The following ERCC8 variants were observed in gnomAD, a reference collection of about 807,000 sequenced individuals.
ERCC8 encodes DNA excision repair protein ERCC-8.
Under a neutral mutation model 54.9 loss-of-function variants are expected in ERCC8, and 52 were observed. The ratio of observed to expected loss-of-function variants is 0.95; its 90% CI spans 0.76 to 1.19. The LOEUF is 1.19. ERCC8 is among the 50% of genes most tolerant of loss of function. ERCC8 has a pLI of 0.00. For synonymous variants in ERCC8, 146 were observed against 157.2 expected (o/e 0.93, Z 0.53); for missense variants, 514 against 466.1 (o/e 1.10, Z -0.95).
chr5:60,881,300 C>G (rs920255758), intron 11 of ERCC8, among the ~76,000 whole-genome samples: 1 of 152,056 alleles, frequency 6.6e-6, no homozygotes, highest in Admixed American at 6.5e-5. Flanking sequence ...TTAGGCTACT[C>G]GGCATCAGGG....
At chr5:60,939,998 G>C (rs1355508391) in intron 1 of ERCC8, among the ~76,000 whole-genome samples, 1 of 152,088 alleles carries the variant, frequency 6.6e-6, no homozygotes, top group Non-Finnish European at 1.5e-5. Flanking sequence ...TATGAATCCA[G>C]ATCTTTTGCA....
chr5:60,878,491 C>T (rs1748089053), intron 11 of ERCC8, among the ~76,000 whole-genome samples: 1 of 152,142 alleles, frequency 6.6e-6, no homozygotes, highest in Non-Finnish European at 1.5e-5. Context: ...GCTGTCAATC[C>T]ATCTGGTCCT....
rs377745901 is a variant in ERCC8 at position 60,874,608 on chromosome 5, A to T, written c.*7T>A. On this transcript the variant is annotated 3_prime_UTR_variant, in exon 12 of 12. Transcript: ENST00000676185. ...CAGCAGAGACAAAAAGGTACTAAAGATGATATTCATCCTTCTTCATCACTG... is the reference window on the plus strand; with the variant it reads ...CAGCAGAGACAAAAAGGTACTAAAGTTGATATTCATCCTTCTTCATCACTG... The T allele has an allele frequency of 2.4e-5, 39 of 1,612,874 alleles. No individual in the cohort carries two copies. Among genetic ancestry groups the T allele is most frequent in the Non-Finnish European group, 5.1e-6 (6 of 1,179,256 alleles).
chr5:60,901,336 TAA>T (rs1748899016), intron 7 of ERCC8, among the ~76,000 whole-genome samples: 1 of 152,004 alleles, frequency 6.6e-6, no homozygotes, highest in African/African-American at 2.4e-5. Context: ...CGAAAATTGT[TAA>T]GTCTCTTTCA....
intron 1 of ERCC8, among the ~76,000 whole-genome samples, 181 bp from the exon 2 acceptor site, chr5:60,929,140 G>A (rs1749834523): frequency 6.6e-6 from 1 of 152,100 alleles, no homozygotes; most frequent in African/African-American, 2.4e-5. Flanking sequence ...ATCAGCAGTA[G>A]TAACAATTAC....
chr5:60,890,329 G>A (rs1177867940), intron 10 of ERCC8, among the ~76,000 whole-genome samples: 1 of 152,158 alleles, frequency 6.6e-6, no homozygotes, highest in Non-Finnish European at 1.5e-5. Flanking sequence ...TTAAAGAAGT[G>A]CATGAGGTAA....
chr5:60,886,109 T>G (rs1416962863), intron 11 of ERCC8, among the ~76,000 whole-genome samples: 1 of 152,058 alleles, frequency 6.6e-6, no homozygotes, highest in Non-Finnish European at 1.5e-5. Context: ...CTTTTAGACT[T>G]TTTATATTGT....
chr5:60,935,856 G>A (rs139125021), intron 1 of ERCC8, among the ~76,000 whole-genome samples: 1 of 152,148 alleles, frequency 6.6e-6, no homozygotes, highest in Admixed American at 6.5e-5. Context: ...ACTTGCATAT[G>A]TTAAACCATC....
chr5:60,927,870 A>G (rs1749797246), intron 2 of ERCC8, among the ~76,000 whole-genome samples: 1 of 152,232 alleles, frequency 6.6e-6, no homozygotes, highest in East Asian at 1.9e-4. Flanking sequence ...ATACTAGTAG[A>G]TGAGACCATG....
chr5:60,910,850 C>T (rs567906188), intron 4 of ERCC8, among the ~76,000 whole-genome samples: 6 of 152,014 alleles, frequency 3.9e-5, no homozygotes, highest in Admixed American at 3.9e-4. Context: ...AGTTCCTATC[C>T]CTTTTATTTC....
chr5:60,891,004 A>G lies in ERCC8; in HGVS notation c.926T>C (p.Phe309Ser). The G allele has an allele frequency of 6.2e-7, 1 of 1,613,620 alleles. No individual in the cohort carries two copies. The highest frequency in any genetic ancestry group is 8.5e-7 in the Non-Finnish European group (1 of 1,179,724). The change falls in exon 10 of 12, where the codon TTT (phenylalanine) becomes TCT (serine). Residue 309 changes from phenylalanine (F) to serine (S), a missense_variant. By Grantham distance (155) the Phe-to-Ser change is radical. Coordinates refer to ENST00000676185, the MANE Select transcript of ERCC8 (RefSeq NM_000082.4). ...AGCAATGGTGCTACCATATGGTACA[A>G]AAACAAATTCTGAACTGCAGCCACA... Reference protein sequence around the residue: ...VSCGCSSEFVFVPYGSTIAVY... With the variant: ...VSCGCSSEFVSVPYGSTIAVY...
At chr5:60,880,447 T>C (rs1285327099) in intron 11 of ERCC8, among the ~76,000 whole-genome samples, 2 of 152,222 alleles carry the variant, frequency 1.3e-5, no homozygotes, top group Non-Finnish European at 2.9e-5. Context: ...CTGGATAATA[T>C]CCTGCAGAGT....
chr5:60,892,245 C>G, intron 9 of ERCC8: 1 of 548,406 alleles, frequency 1.8e-6, no homozygotes, highest in Non-Finnish European at 3.7e-6. Context: ...TATACAGTAG[C>G]TTTATCTTCA....
intron 11 of ERCC8, among the ~76,000 whole-genome samples, chr5:60,881,453 CA>C (rs780794576): frequency 6.6e-5 from 10 of 152,196 alleles, no homozygotes; most frequent in Admixed American, 1.3e-4. Context: ...GCCGTGCCCC[CA>C]GAGGTGAAGT....
chr5:60,884,951 C>T (rs143686695), intron 11 of ERCC8, among the ~76,000 whole-genome samples: 19 of 152,026 alleles, frequency 1.2e-4, no homozygotes, highest in African/African-American at 3.6e-4. Context: ...TTTGTTTACA[C>T]GAAGAGTTCA....
chr5:60,911,816 C>T (rs1749275561), intron 4 of ERCC8, among the ~76,000 whole-genome samples: 1 of 152,078 alleles, frequency 6.6e-6, no homozygotes, highest in Non-Finnish European at 1.5e-5. Flanking sequence ...ATATGGCTAG[C>T]CAGTTTTCCC....
At chr5:60,904,135 T>C (rs1335210721) in intron 5 of ERCC8, among the ~76,000 whole-genome samples, 1 of 152,092 alleles carries the variant, frequency 6.6e-6, no homozygotes, top group East Asian at 1.9e-4. Flanking sequence ...AATCATTGTA[T>C]TTTAATAGCT....
In ERCC8 at chr5:60,874,573, T is replaced by G; in HGVS notation, c.*42A>C. 6.4e-7 allele frequency: 1 copy of G among 1,573,666 alleles called. No homozygotes were observed. Among genetic ancestry groups the G allele is most frequent in the Non-Finnish European group, 8.7e-7 (1 of 1,144,650 alleles). ...CAGTTGAAAAAAACACAGTCTCATT[T>G]AAAAAGTTTCAGCAGAGACAAAAAG... On this transcript the variant is annotated 3_prime_UTR_variant, in exon 12 of 12. Coordinates refer to ENST00000676185, the MANE Select transcript of ERCC8 (RefSeq NM_000082.4).
Position 60,867,979 on chromosome 5 carries a change from G to A in ERCC8, c.*6636C>T, listed in dbSNP as rs1747788003. 6.6e-6 allele frequency among the ~76,000 whole-genome samples: 1 copy of A among 152,174 alleles called. No individual in the cohort carries two copies. ...GCAGATCACCTGAGGTCAGGAGTTC[G>A]AGACCAGCCAGACCAACATGGAGAA... is the stretch of plus-strand genomic sequence containing the variant. On this transcript the variant is annotated 3_prime_UTR_variant, in exon 12 of 12. Coordinates refer to ENST00000676185, the MANE Select transcript of ERCC8 (RefSeq NM_000082.4).
Sources: allele counts gnomAD v4.1 joint callset (sites outside exome capture counted in the v4.1 genomes callset), GRCh38; gene constraint gnomAD v4.1.1; transcripts MANE v1.5; gene names NCBI Gene and HGNC (gene_info 2026-07-23, HGNC 2026-07-21).